Variants in MROH2B observed in about 807,000 individuals in gnomAD.
The protein encoded by MROH2B is maestro heat like repeat family member 2B, also known as maestro heat-like repeat-containing protein family member 2B.
In MROH2B, 177 loss-of-function variants were observed where a neutral mutation model predicts 208.6. The ratio of observed to expected loss-of-function variants is 0.85; its 90% CI spans 0.75 to 0.96. The LOEUF (loss-of-function observed/expected upper bound fraction) is 0.96. MROH2B is among the 40% of genes least tolerant of loss of function. The probability of loss-of-function intolerance (pLI) is 0.00; values close to 1 mark genes in which losing one functional copy is unlikely to be tolerated. For missense variants in MROH2B, 2,002 were observed against 1,878.7 expected (o/e 1.07, Z -1.21); for synonymous variants, 728 against 659.0 (o/e 1.10, Z -1.60).
At chr5:41,023,679 A>G (rs1742242724) in intron 24 of MROH2B, among the ~76,000 whole-genome samples, 1 of 152,218 alleles carries the variant, frequency 6.6e-6, no homozygotes, top group Non-Finnish European at 1.5e-5. Flanking sequence ...GGAAATACAG[A>G]AAATGCCACA....
intron 38 of MROH2B, 99 bp downstream of exon 38, chr5:41,000,579 G>A: frequency 7.0e-7 from 1 of 1,437,458 alleles, no homozygotes. Context: ...GCTAAGGGGT[G>A]ACTTTAGATC....
At position 41,017,936 on chromosome 5, in the gene MROH2B, C is replaced by T. The variant is rs746306022; in HGVS notation, c.2798G>A (p.Gly933Glu). 6.3e-7 allele frequency: 1 copy of T among 1,580,236 alleles called. No individual in the cohort carries two copies. The highest frequency in any genetic ancestry group is 2.3e-5 in the East Asian group (1 of 43,738). Residue 933 changes from glycine (G) to glutamate (E), a missense_variant, in exon 28 of 42, where the codon GGA becomes GAA. By Grantham distance (98) the Gly-to-Glu change is moderately conservative (BLOSUM62 -2). Transcript: ENST00000399564. ...ATCACAGGAGTGAGGAGCCAGAAGT[C>T]CAAGCAGTGAACCAATTTTAAAGTT... The part of the protein sequence containing the change: ...PENFKIGSLL[G>E]LLAPHSCDTL...
chr5:41,036,612 CAGAAA>C (rs759775873), intron 21 of MROH2B, among the ~76,000 whole-genome samples: 22 of 152,094 alleles, frequency 1.4e-4, no homozygotes, highest in South Asian at 6.2e-4. Flanking sequence ...AATGCAGGGG[CAGAAA>C]ACCAAATAAG....
At chr5:41,044,993 T>A (rs1743071860) in intron 18 of MROH2B, among the ~76,000 whole-genome samples, 1 of 151,950 alleles carries the variant, frequency 6.6e-6, no homozygotes, top group Admixed American at 6.6e-5. Context: ...TACTGATGAG[T>A]ATGGTGAGAA....
Position 41,061,646 on chromosome 5 carries a change from T to G in MROH2B, c.539A>C (p.Asn180Thr). The change falls in exon 6 of 42, where the codon AAC (asparagine) becomes ACC (threonine). Residue 180 changes from asparagine (N) to threonine (T), a missense_variant. Asn to Thr is a moderately conservative substitution (Grantham distance 65). Coordinates refer to ENST00000399564, the MANE Select transcript of MROH2B (RefSeq NM_173489.5). ...CATGAAGATCTTGTCAGACAGTCGG[T>G]TGGCATCCAGTCTGGGGTAGGGAAA... ...RDFPYPRLDA[N>T]RLSDKIFMLF... is the part of the protein sequence containing the mutation. 3 of 1,613,932 alleles carry G rather than the reference T, an allele frequency of 1.9e-6. No individual in the cohort carries two copies. The highest frequency in any genetic ancestry group is 2.5e-6 in the Non-Finnish European group (3 of 1,179,820).
chr5:41,000,400 T>C (rs1378269688), intron 38 of MROH2B, 49 bp from the exon 39 acceptor site: 12 of 1,594,700 alleles, frequency 7.5e-6, no homozygotes, highest in Non-Finnish European at 1.0e-5. Flanking sequence ...TAGGATCTCC[T>C]TCCAGAAGGG....
At chr5:41,014,739 T>C (rs1274241547) in intron 29 of MROH2B, among the ~76,000 whole-genome samples, 1 of 152,206 alleles carries the variant, frequency 6.6e-6, no homozygotes. Context: ...GGAATTCTTT[T>C]TTCCAGATAT....
chr5:41,055,716 A>G lies in MROH2B; in HGVS notation c.1033+26T>C, dbSNP rs749358700. 3.8e-6 allele frequency: 6 copies of G among 1,565,402 alleles called. 1 individual carries two copies. The South Asian group carries it at 5.6e-5, about 14-fold the overall frequency. ...TCTGCTTCTTGGCATGAAATAAACC[A>G]TGTTGGCTTCAACCCTCTTGCTTAC... On this transcript the variant is annotated intron_variant, in intron 10 of 41. Coordinates refer to ENST00000399564, the MANE Select transcript of MROH2B (RefSeq NM_173489.5).
At chr5:41,018,311 A>G (rs763003475) in intron 27 of MROH2B, 30 bp downstream of exon 27, 4 of 1,588,534 alleles carry the variant, frequency 2.5e-6, no homozygotes, top group Non-Finnish European at 3.4e-6. Context: ...CACAAGCAAT[A>G]AAGTCTATTC....
chr5:41,007,313 C>G lies in MROH2B; in HGVS notation c.3749+1G>C. Reference sequence around the variant, plus strand: ...CTGGTTCTAGAAAAAGTGCACATTACCTGGCCAGTGAACATACGCCTATGT... The same window carrying G: ...CTGGTTCTAGAAAAAGTGCACATTAGCTGGCCAGTGAACATACGCCTATGT... On this transcript the variant is annotated splice_donor_variant, in intron 34 of 41. Coordinates refer to ENST00000399564, the MANE Select transcript of MROH2B (RefSeq NM_173489.5). LOFTEE classifies it high-confidence loss of function. 5 of 1,398,084 alleles carry G rather than the reference C, an allele frequency of 3.6e-6. No individual in the cohort carries two copies. Among genetic ancestry groups the G allele is most frequent in the African/African-American group, 1.5e-5 (1 of 67,146 alleles). 86.6% of individuals were successfully genotyped at this position (1,398,084 alleles called of 1,614,324 possible). A position where few individuals can be genotyped will look rare whatever the true frequency, so the allele number is the denominator to read the frequency against.
At chr5:41,035,352 A>C (rs1319161885) in intron 21 of MROH2B, among the ~76,000 whole-genome samples, 1 of 152,132 alleles carries the variant, frequency 6.6e-6, no homozygotes, top group Non-Finnish European at 1.5e-5. Flanking sequence ...TCCCTACTCA[A>C]TAAATAATAT....
At chr5:41,020,687 A>G (rs559326344) in intron 24 of MROH2B, among the ~76,000 whole-genome samples, 141 of 152,334 alleles carry the variant, frequency 9.3e-4, no homozygotes, top group African/African-American at 3.3e-3. Context: ...TATTATTTAT[A>G]GTTTTTAAAA....
intron 24 of MROH2B, among the ~76,000 whole-genome samples, chr5:41,026,338 T>A (rs993949883): frequency 6.6e-6 from 1 of 152,166 alleles, no homozygotes; most frequent in Non-Finnish European, 1.5e-5. Context: ...TTCAGCAAAG[T>A]CTCAGGATAC....
At chr5:41,064,322 C>T (rs1430214412) in intron 5 of MROH2B, 150 bp downstream of exon 5, 1 of 610,042 alleles carries the variant, frequency 1.6e-6, no homozygotes, top group Non-Finnish European at 2.9e-6. Context: ...CTGCTGAGGA[C>T]TTTCCATGTG....
intron 17 of MROH2B, among the ~76,000 whole-genome samples, 167 bp from the exon 18 acceptor site, chr5:41,046,020 A>G (rs1313827464): frequency 2.0e-5 from 3 of 152,188 alleles, no homozygotes; most frequent in Non-Finnish European, 4.4e-5. Flanking sequence ...AGTTTATTCT[A>G]AAAAACATTT....
At chr5:41,030,552 GCAATATACATATT>G (rs1561289445) in intron 24 of MROH2B, among the ~76,000 whole-genome samples, 1 of 151,832 alleles carries the variant, frequency 6.6e-6, no homozygotes, top group Non-Finnish European at 1.5e-5. Context: ...ACTGCCCAAA[GCAATATACATATT>G]CAATGCAATT....
rs754225587 is a variant in MROH2B, at chr5:41,038,874, C to T, written c.2076G>A (p.Gly692=). The T allele has an allele frequency of 2.5e-6, 4 of 1,604,076 alleles. No individual in the cohort carries two copies. In the African/African-American group the frequency reaches 5.4e-5, roughly 22 times the overall value. ...CATCTGTCTTGGTCAGGCTCTTTTT[C>T]CCAGAAAAAAGGCTCTGAAGACCAG... ...FMNRCKSLFS[G]KKSLTKTDVM... is the part of the protein sequence containing the mutation. Residue 692 remains glycine, a synonymous_variant, in exon 21 of 42, where the codon GGG becomes GGA. Transcript: ENST00000399564.
chr5:41,005,997 C>T (rs367632834), intron 34 of MROH2B, among the ~76,000 whole-genome samples: 1 of 143,574 alleles, frequency 7.0e-6, no homozygotes, highest in South Asian at 2.2e-4. Flanking sequence ...CGCCACTGCA[C>T]ACTCCAGCCT....
In MROH2B at chr5:41,018,399, T is replaced by A; in HGVS notation, c.2705A>T (p.Glu902Val). 4 of 1,613,090 alleles carry A rather than the reference T, an allele frequency of 2.5e-6. No homozygotes were observed. The highest frequency in any genetic ancestry group is 3.4e-6 in the Non-Finnish European group (4 of 1,179,682). ...CTGGAAGGCTCTTTCTCTTTCCCAC[T>A]CTTTTTGTGAAACAAGCCACATTTG... ...LLQMWLVSQKEWERERAFQIT... is the reference protein window; with the variant it reads ...LLQMWLVSQKVWERERAFQIT... The change falls in exon 27 of 42, where the codon GAG becomes GTG. Residue 902 changes from glutamate to valine, a missense_variant. By Grantham distance (121) the Glu-to-Val change is moderately radical (BLOSUM62 -2). Coordinates refer to ENST00000399564, the MANE Select transcript of MROH2B (RefSeq NM_173489.5).
Sources: allele counts gnomAD v4.1 joint callset (sites outside exome capture counted in the v4.1 genomes callset), GRCh38; gene constraint gnomAD v4.1.1; transcripts MANE v1.5; gene names NCBI Gene and HGNC (gene_info 2026-07-23, HGNC 2026-07-21).